CHRM3: variants seen among roughly 807,000 people sequenced by gnomAD.
CHRM3 encodes the protein muscarinic acetylcholine receptor M3.
Under a neutral mutation model 41.8 loss-of-function variants are expected in CHRM3, and 11 were observed. The observed-to-expected ratio is 0.26, with a 90% CI of 0.17 to 0.44. The LOEUF (loss-of-function observed/expected upper bound fraction) is 0.44. CHRM3 is among the 20% of genes least tolerant of loss of function. The probability of loss-of-function intolerance (pLI) is 1.00; values close to 1 mark genes in which losing one functional copy is unlikely to be tolerated. For missense variants in CHRM3, 571 were observed against 745.4 expected, an observed-to-expected ratio of 0.77 and a Z score of 2.72; for synonymous variants, 297 against 301.4, an observed-to-expected ratio of 0.99 and a Z score of 0.15.
In CHRM3 at chr1:239,907,921, T is replaced by TGAATC; in HGVS notation, c.471_475dup (p.Leu159ArgfsTer31). ...TACGTAGCCAGCAATGCCTCTGTTA[T>TGAATC]GAATCTTCTGGTCATCAGCTTTGAC... On this transcript the variant is annotated frameshift_variant, in exon 7 of 7. Coordinates refer to ENST00000676153, the MANE Select transcript of CHRM3 (RefSeq NM_001375978.1). LOFTEE classifies it high-confidence loss of function. The surrounding 1 kb of genome is among the most constrained non-coding windows in gnomAD (Gnocchi z 5.4). 1 of 1,614,232 alleles carries TGAATC rather than the reference T, an allele frequency of 6.2e-7. No homozygotes were observed. Among genetic ancestry groups the TGAATC allele is most frequent in the Non-Finnish European group, 8.5e-7 (1 of 1,180,046 alleles).
intron 1 of CHRM3, among the ~76,000 whole-genome samples, chr1:239,459,761 T>C (rs1665216952): frequency 6.6e-6 from 1 of 152,126 alleles, no homozygotes; most frequent in Non-Finnish European, 1.5e-5. Flanking sequence ...CAAATCTTAG[T>C]GGTGAGAGAG....
chr1:239,388,439 A>G (rs1217026774), intron 1 of CHRM3, among the ~76,000 whole-genome samples: 1 of 152,184 alleles, frequency 6.6e-6, no homozygotes, highest in Non-Finnish European at 1.5e-5. Flanking sequence ...TATTTGAAAA[A>G]TAATTTTTAA....
At chr1:239,794,862 T>C (rs953598520) in intron 5 of CHRM3, among the ~76,000 whole-genome samples, 4 of 152,208 alleles carry the variant, frequency 2.6e-5, no homozygotes, top group African/African-American at 7.2e-5. Flanking sequence ...ATAAATTTAA[T>C]AGTCTTTTAA....
At chr1:239,448,703 G>A (rs748336110) in intron 1 of CHRM3, among the ~76,000 whole-genome samples, 1 of 152,100 alleles carries the variant, frequency 6.6e-6, no homozygotes, top group Non-Finnish European at 1.5e-5. Flanking sequence ...GCTGTAGGCT[G>A]TAGTTACAAG....
intron 4 of CHRM3, among the ~76,000 whole-genome samples, chr1:239,657,541 A>G (rs1174692602): frequency 6.6e-6 from 1 of 152,236 alleles, no homozygotes; most frequent in Admixed American, 6.5e-5. Flanking sequence ...TCAACACAGA[A>G]AAGTCAGCAA....
At chr1:239,404,206 G>A (rs547625641) in intron 1 of CHRM3, among the ~76,000 whole-genome samples, 6 of 150,152 alleles carry the variant, frequency 4.0e-5, no homozygotes, top group East Asian at 4.0e-4. Context: ...GGAGAATGGC[G>A]TGAACCCAGG....
chr1:239,745,108 A>G (rs1215637680), intron 5 of CHRM3, among the ~76,000 whole-genome samples: 1 of 152,106 alleles, frequency 6.6e-6, no homozygotes, highest in Non-Finnish European at 1.5e-5. Context: ...CAGACTGGAG[A>G]GCCAGATTGC....
rs1662401896 is a variant in CHRM3, at chr1:239,716,661, A to G, written c.-147+38373A>G. Among the ~76,000 whole-genome samples the G allele has an allele frequency of 2.0e-5, 3 of 152,034 alleles. No individual in the cohort carries two copies. The South Asian group carries it at 6.2e-4, about 32-fold the overall frequency. On this transcript the variant is annotated intron_variant, in intron 5 of 6. Transcript: ENST00000676153. Reference sequence around the variant, plus strand: ...TAATATTTTTAATTTGGTAATAAGGAAAGCTAACCAGTGGGTCCTAAAATA... The same window carrying G: ...TAATATTTTTAATTTGGTAATAAGGGAAGCTAACCAGTGGGTCCTAAAATA...
intron 6 of CHRM3, among the ~76,000 whole-genome samples, chr1:239,829,709 C>G (rs534959686): frequency 6.6e-6 from 1 of 152,206 alleles, no homozygotes; most frequent in East Asian, 1.9e-4. Context: ...CAGACTGCCT[C>G]GATGTGAAAC....
chr1:239,726,845 T>A (rs1346879701), intron 5 of CHRM3, among the ~76,000 whole-genome samples: 1 of 151,984 alleles, frequency 6.6e-6, no homozygotes, highest in African/African-American at 2.4e-5. Flanking sequence ...AATCCCAGCA[T>A]CTAGCAGTAC....
At chr1:239,479,479 T>A (rs932277211) in intron 1 of CHRM3, among the ~76,000 whole-genome samples, 21 of 152,178 alleles carry the variant, frequency 1.4e-4, no homozygotes, top group Non-Finnish European at 3.1e-4. Context: ...ATTTTCAAAG[T>A]GCTGAGAAAT....
Position 239,908,297 on chromosome 1 carries a change from C to G in CHRM3, c.846C>G (p.His282Gln), listed in dbSNP as rs770292286. The change falls in exon 7 of 7, where the codon CAC (histidine) becomes CAG (glutamine). Residue 282 changes from histidine to glutamine, a missense_variant. His to Gln is a conservative substitution (Grantham distance 24). Transcript: ENST00000676153. This position sits in a 1 kb window ranked among gnomAD's most constrained non-coding sequence, Gnocchi z 7.2. The stretch of plus-strand genomic sequence containing the variant: ...AGGCAGAGACAGAAAACTTTGTCCA[C>G]CCCACGGGCAGTTCTCGAAGCTGCA... ...GTEAETENFVHPTGSSRSCSS... is the reference protein window; with the variant it reads ...GTEAETENFVQPTGSSRSCSS... 3.7e-6 allele frequency: 6 copies of G among 1,614,126 alleles called. No individual in the cohort carries two copies. The Admixed American group carries it at 1.0e-4, about 27-fold the overall frequency.
At chr1:239,634,376 C>A (rs5007862) in intron 4 of CHRM3, among the ~76,000 whole-genome samples, 10 of 135,548 alleles carry the variant, frequency 7.4e-5, no homozygotes, top group East Asian at 4.1e-4. Context: ...CAAGAACAAA[C>A]GAAAGAAAGA....
intron 6 of CHRM3, among the ~76,000 whole-genome samples, chr1:239,900,377 CTTTTTTTTT>C (rs10567817): frequency 1.5e-5 from 2 of 130,392 alleles, no homozygotes; most frequent in Admixed American, 7.8e-5. Flanking sequence ...TTTAGATATT[CTTTTTTTTT>C]TTTTTTTTTG....
At chr1:239,803,242 A>G (rs1268153755) in intron 5 of CHRM3, among the ~76,000 whole-genome samples, 1 of 152,132 alleles carries the variant, frequency 6.6e-6, no homozygotes, top group Non-Finnish European at 1.5e-5. Flanking sequence ...GTGCCAGGCT[A>G]TTTTGATAGT....
intron 1 of CHRM3, among the ~76,000 whole-genome samples, chr1:239,404,468 A>AAGGG (rs397954107): frequency 1.1e-5 from 1 of 90,294 alleles, no homozygotes; most frequent in Non-Finnish European, 2.5e-5. Context: ...GAAAGAAAGA[A>AAGGG]AAAGAAAGAA....
Position 239,908,404 on chromosome 1 carries a change from A to C in CHRM3, c.953A>C (p.Lys318Thr). Residue 318 changes from lysine to threonine, a missense_variant, in exon 7 of 7, where the codon AAG becomes ACG. Physicochemically the swap from Lys to Thr is moderately conservative, Grantham distance 78 (BLOSUM62 -1). Transcript: ENST00000676153. This position sits in a 1 kb window ranked among gnomAD's most constrained non-coding sequence, Gnocchi z 7.2. ...YGRCHFWFTT[K>T]SWKPSSEQMD... is the part of the protein sequence containing the mutation. ...CGCTGCCACTTCTGGTTCACAACCA[A>C]GAGCTGGAAACCCAGCTCCGAGCAG... is the stretch of plus-strand genomic sequence containing the variant. 1 of 1,614,108 alleles carries C rather than the reference A, an allele frequency of 6.2e-7. No homozygotes were observed. The highest frequency in any genetic ancestry group is 8.5e-7 in the Non-Finnish European group (1 of 1,180,032).
At chr1:239,873,342 T>C (rs867622696) in intron 6 of CHRM3, among the ~76,000 whole-genome samples, 1 of 152,082 alleles carries the variant, frequency 6.6e-6, no homozygotes, top group African/African-American at 2.4e-5. Context: ...AGGGAAACTT[T>C]CTCTTTTTTT....
chr1:239,655,005 T>C (rs1055525068), intron 4 of CHRM3, among the ~76,000 whole-genome samples: 2 of 152,234 alleles, frequency 1.3e-5, no homozygotes, highest in African/African-American at 4.8e-5. Context: ...CTGGACGTTG[T>C]TCTTACCAAG....
Sources: allele counts gnomAD v4.1 joint callset (sites outside exome capture counted in the v4.1 genomes callset), GRCh38; gene constraint gnomAD v4.1.1; non-coding constraint Gnocchi (gnomAD v3.1); transcripts MANE v1.5; gene names NCBI Gene and HGNC (gene_info 2026-07-23, HGNC 2026-07-21).